PIWIL2: variants seen among roughly 807,000 people sequenced by gnomAD.
The protein encoded by PIWIL2 is piwi-like protein 2.
In PIWIL2, 81 loss-of-function variants were observed where a neutral mutation model predicts 116.5. The ratio of observed to expected loss-of-function variants is 0.70; its 90% CI spans 0.58 to 0.84. PIWIL2 has a LOEUF of 0.84. Among genes scored for constraint, PIWIL2 ranks in the 40% least tolerant of loss-of-function variants. The probability of loss-of-function intolerance (pLI) is 0.00; values close to 1 mark genes in which losing one functional copy is unlikely to be tolerated. For synonymous variants in PIWIL2, 489 were observed against 429.5 expected (o/e 1.14, Z -1.71); for missense variants, 1,272 against 1,212.3 (o/e 1.05, Z -0.73).
intron 11 of PIWIL2, among the ~76,000 whole-genome samples, 194 bp from the exon 12 acceptor site, chr8:22,304,590 C>T (rs1831130737): frequency 6.6e-6 from 1 of 152,130 alleles, no homozygotes; most frequent in Non-Finnish European, 1.5e-5. Context: ...CTTATTTCTC[C>T]TATATTTAAT....
At chr8:22,321,313 A>G (rs1457269580) in intron 20 of PIWIL2, among the ~76,000 whole-genome samples, 3 of 151,698 alleles carry the variant, frequency 2.0e-5, no homozygotes, top group Non-Finnish European at 2.9e-5. Flanking sequence ...AGGTGTTGCT[A>G]TTTTGCCCAG....
intron 15 of PIWIL2, 75 bp from the exon 16 acceptor site, chr8:22,311,037 C>G: frequency 8.0e-7 from 1 of 1,246,958 alleles, no homozygotes; most frequent in Non-Finnish European, 1.1e-6. Context: ...AATTTATTCT[C>G]TAGAATGAAA....
chr8:22,351,325 AAAAAAC>A (rs1832348344), intron 20 of PIWIL2, among the ~76,000 whole-genome samples: 1 of 149,654 alleles, frequency 6.7e-6, no homozygotes, highest in Non-Finnish European at 1.5e-5. Context: ...TTCTTAAAAA[AAAAAAC>A]AAATTGAAAC....
intron 20 of PIWIL2, among the ~76,000 whole-genome samples, chr8:22,330,283 A>C (rs1239233716): frequency 6.6e-6 from 1 of 151,964 alleles, no homozygotes; most frequent in East Asian, 1.9e-4. Context: ...CTGAATTTCT[A>C]TTTGGTTCTT....
intron 10 of PIWIL2, among the ~76,000 whole-genome samples, chr8:22,301,819 G>A (rs976047659): frequency 6.6e-6 from 1 of 152,028 alleles, no homozygotes; most frequent in Non-Finnish European, 1.5e-5. Flanking sequence ...AACGGTCTGA[G>A]TTCCTTTTGT....
At chr8:22,284,299 T>C in intron 6 of PIWIL2, 27 bp downstream of exon 6, 1 of 1,227,872 alleles carries the variant, frequency 8.1e-7, no homozygotes, top group Non-Finnish European at 1.2e-6. Context: ...TTTGTATTGT[T>C]CACTTCTTAA....
chr8:22,344,555 G>A (rs75243056), intron 20 of PIWIL2, among the ~76,000 whole-genome samples: 9,271 of 152,048 alleles, frequency 0.061, 352 homozygotes, highest in Admixed American at 0.091. Context: ...GTACCATATC[G>A]TATGCACGAG....
chr8:22,347,088 T>G (rs1000896849), intron 20 of PIWIL2, among the ~76,000 whole-genome samples: 1 of 151,732 alleles, frequency 6.6e-6, no homozygotes, highest in Non-Finnish European at 1.5e-5. Context: ...AGAGGATTGC[T>G]TGAGTTCAGG....
intron 20 of PIWIL2, among the ~76,000 whole-genome samples, chr8:22,344,176 CATAA>C (rs369866308): frequency 6.6e-6 from 1 of 152,080 alleles, no homozygotes; most frequent in African/African-American, 2.4e-5. Flanking sequence ...CTAGAGAATG[CATAA>C]ATGTGGTGAC....
chr8:22,309,600 A>C (rs1831276311), intron 14 of PIWIL2, among the ~76,000 whole-genome samples: 1 of 152,218 alleles, frequency 6.6e-6, no homozygotes, highest in Non-Finnish European at 1.5e-5. Flanking sequence ...CGGCCTCCCA[A>C]AGTGCTGGGA....
chr8:22,316,448 C>A, intron 19 of PIWIL2, 115 bp downstream of exon 19: 1 of 702,712 alleles, frequency 1.4e-6, no homozygotes, highest in East Asian at 2.8e-5. Flanking sequence ...GATTTCTAAA[C>A]ATTTTCTTCC....
chr8:22,353,537 A>G (rs1392434052), intron 21 of PIWIL2, among the ~76,000 whole-genome samples: 2 of 151,964 alleles, frequency 1.3e-5, no homozygotes, highest in Non-Finnish European at 2.9e-5. Flanking sequence ...AATGCCAGCT[A>G]CTCGGGAGGC....
chr8:22,294,465 C>A (rs1268385403), intron 10 of PIWIL2, among the ~76,000 whole-genome samples: 1 of 149,922 alleles, frequency 6.7e-6, no homozygotes, highest in Admixed American at 6.7e-5. Flanking sequence ...CACGGTGAAA[C>A]CCCGTCTCTA....
chr8:22,312,926 C>T (rs1322427005), intron 16 of PIWIL2, among the ~76,000 whole-genome samples: 1 of 152,158 alleles, frequency 6.6e-6, no homozygotes, highest in Non-Finnish European at 1.5e-5. Flanking sequence ...CAGGTGTGAG[C>T]CACTGCACCC....
intron 7 of PIWIL2, among the ~76,000 whole-genome samples, chr8:22,288,323 A>T (rs765979291): frequency 8.9e-5 from 13 of 146,638 alleles, no homozygotes; most frequent in Non-Finnish European, 1.5e-4. Flanking sequence ...AAAAAATTGC[A>T]AATGTAAACT....
rs1382915022 is a variant in PIWIL2, at chr8:22,355,945, C to T, written c.*440C>T. 2.0e-4 allele frequency: 33 copies of T among 169,132 alleles called. No individual in the cohort carries two copies. Among genetic ancestry groups the T allele is most frequent in the Admixed American group, 1.7e-3 (30 of 17,854 alleles). The allele number at this position is 169,132 out of a possible 1,614,324, so 10.5% of individuals were successfully genotyped here. On this transcript the variant is annotated 3_prime_UTR_variant, in exon 23 of 23. Transcript: ENST00000356766. The stretch of plus-strand genomic sequence containing the variant: ...AAAATTAGCCGGGTGTGGCGGTGCA[C>T]GCCTGTAGTCCCAGCTACTCAGGAG...
intron 6 of PIWIL2, among the ~76,000 whole-genome samples, chr8:22,285,788 A>G (rs576138463): frequency 6.6e-6 from 1 of 152,034 alleles, no homozygotes; most frequent in Non-Finnish European, 1.5e-5. Flanking sequence ...ATTATAGGCA[A>G]GCGCCCCCAT....
At chr8:22,335,543 CTTT>C (rs59166171) in intron 20 of PIWIL2, among the ~76,000 whole-genome samples, 1,057 of 92,186 alleles carry the variant, frequency 0.011, 7 homozygotes, top group African/African-American at 0.038. Flanking sequence ...ACAAAATAGA[CTTT>C]TTTTTTTTTT....
rs1475888775 is a variant in PIWIL2, at chr8:22,315,160, G to A, written c.2208+15G>A. 12 of 1,377,908 alleles carry A rather than the reference G, an allele frequency of 8.7e-6. No homozygotes were observed. The East Asian group carries it at 2.7e-4, about 31-fold the overall frequency. The allele number at this position is 1,377,908 out of a possible 1,614,324, so 85.4% of individuals were successfully genotyped here. On this transcript the variant is annotated intron_variant, in intron 18 of 22. Coordinates refer to ENST00000356766, the MANE Select transcript of PIWIL2 (RefSeq NM_018068.5). The stretch of plus-strand genomic sequence containing the variant: ...ATATTCCTCTGGTGAGTGATGCCGA[G>A]ATGGTTCAGTTTGCCTCTCCAGAGA...
Sources: gnomAD v4.1 joint callset for allele counts (sites outside exome capture counted in the v4.1 genomes callset) on GRCh38, gnomAD v4.1.1 for gene constraint, MANE v1.5 for transcripts, NCBI Gene and HGNC (gene_info 2026-07-23, HGNC 2026-07-21) for gene names.